The following DMGDH variants were observed in gnomAD, a reference collection of about 807,000 sequenced individuals.
DMGDH encodes the protein dimethylglycine dehydrogenase, mitochondrial.
A neutral mutation model predicts 95.2 loss-of-function variants in DMGDH; 76 were observed. The observed-to-expected ratio is 0.80, with a 90% CI of 0.66 to 0.97. The LOEUF (loss-of-function observed/expected upper bound fraction) is 0.97. Among genes scored for constraint, DMGDH ranks in the 50% least tolerant of loss-of-function variants. The pLI, the probability that DMGDH is intolerant of heterozygous loss-of-function variation, is 0.00. For missense variants in DMGDH, 987 were observed against 1,055.0 expected, an observed-to-expected ratio of 0.94 and a Z score of 0.89; for synonymous variants, 345 against 377.6, an observed-to-expected ratio of 0.91 and a Z score of 1.00.
At chr5:79,032,042 C>T (rs1352257182) in intron 9 of DMGDH, among the ~76,000 whole-genome samples, 4 of 152,176 alleles carry the variant, frequency 2.6e-5, no homozygotes, top group Non-Finnish European at 5.9e-5. Flanking sequence ...AATGTAACTT[C>T]TAAATTTGCA....
intron 14 of DMGDH, among the ~76,000 whole-genome samples, chr5:79,009,360 C>CTTTTTT (rs372464439): frequency 2.9e-4 from 31 of 107,770 alleles, no homozygotes; most frequent in African/African-American, 9.5e-4. Context: ...CTTTTCTTTT[C>CTTTTTT]TTTTCTTTTT....
chr5:79,046,658 G>A (rs1754683453), intron 5 of DMGDH, among the ~76,000 whole-genome samples: 1 of 152,076 alleles, frequency 6.6e-6, no homozygotes, highest in South Asian at 2.1e-4. Context: ...AAGTACAGGC[G>A]TTTTGGTCTT....
intron 5 of DMGDH, among the ~76,000 whole-genome samples, chr5:79,047,134 G>A (rs1178493024): frequency 6.6e-6 from 1 of 152,056 alleles, no homozygotes; most frequent in East Asian, 1.9e-4. Context: ...ACTCCTGCCT[G>A]ATCACCCACC....
chr5:79,020,553 G>T (rs1753838527), intron 14 of DMGDH: 2 of 550,904 alleles, frequency 3.6e-6, no homozygotes, highest in Admixed American at 6.3e-5. Flanking sequence ...TAAGCGCTTT[G>T]CCTCTTTACC....
chr5:79,004,595 AT>A (rs1321263216), intron 15 of DMGDH, among the ~76,000 whole-genome samples: 1 of 152,196 alleles, frequency 6.6e-6, no homozygotes, highest in African/African-American at 2.4e-5. Flanking sequence ...TTTCAACAAA[AT>A]TGGGTTTTAC....
At chr5:79,051,684 T>G (rs1423995023) in intron 4 of DMGDH, among the ~76,000 whole-genome samples, 193 bp from the exon 5 acceptor site, 1 of 152,148 alleles carries the variant, frequency 6.6e-6, no homozygotes, top group Non-Finnish European at 1.5e-5. Context: ...GAAAGAGAAA[T>G]AAACCTCTAT....
At chr5:79,058,901 C>A (rs1248402006) in intron 2 of DMGDH, among the ~76,000 whole-genome samples, 1 of 152,140 alleles carries the variant, frequency 6.6e-6, no homozygotes, top group East Asian at 1.9e-4. Flanking sequence ...CCTTAACAAA[C>A]CTCTCCCTCT....
chr5:79,029,516 G>A (rs551704318), intron 11 of DMGDH, among the ~76,000 whole-genome samples: 6 of 152,210 alleles, frequency 3.9e-5, no homozygotes, highest in African/African-American at 9.6e-5. Flanking sequence ...GACCAAATGC[G>A]GGCATCAGAA....
chr5:79,052,747 T>C (rs550942267), intron 4 of DMGDH, among the ~76,000 whole-genome samples: 3 of 152,346 alleles, frequency 2.0e-5, no homozygotes, highest in African/African-American at 7.2e-5. Context: ...AAGTATATCC[T>C]TACTGGTAGT....
rs778525107 is a variant in DMGDH at position 79,018,587 on chromosome 5, T to C, written c.2250+5684A>G. Among the ~76,000 whole-genome samples the C allele has an allele frequency of 1.1e-3, 164 of 152,272 alleles. 1 individual carries two copies. Among genetic ancestry groups the C allele is most frequent in the Non-Finnish European group, 1.7e-3 (119 of 68,016 alleles). ...CCGGGGATGAGGGATAGGTTTACTA[T>C]CTTCACTGCGGTGATGGTTTCACTG... is the stretch of plus-strand genomic sequence containing the variant. On this transcript the variant is annotated intron_variant, in intron 14 of 15. Coordinates refer to ENST00000255189, the MANE Select transcript of DMGDH (RefSeq NM_013391.3).
intron 15 of DMGDH, among the ~76,000 whole-genome samples, chr5:79,002,281 CCT>C (rs1753467262): frequency 6.6e-6 from 1 of 152,154 alleles, no homozygotes; most frequent in Non-Finnish European, 1.5e-5. Flanking sequence ...TCTCCACAAA[CCT>C]CTTTTTCAAA....
intron 15 of DMGDH, among the ~76,000 whole-genome samples, chr5:78,999,438 C>A (rs1187278409): frequency 6.6e-6 from 1 of 152,206 alleles, no homozygotes; most frequent in African/African-American, 2.4e-5. Context: ...TCATGCCATT[C>A]TCCTGCCCCA....
intron 7 of DMGDH, 113 bp downstream of exon 7, chr5:79,042,170 T>TTC: frequency 3.0e-6 from 3 of 1,003,976 alleles, no homozygotes; most frequent in Non-Finnish European, 3.1e-6. Flanking sequence ...CTGTTTCTCT[T>TTC]TCTCTCTCTC....
intron 3 of DMGDH, among the ~76,000 whole-genome samples, chr5:79,054,935 A>T (rs960879401): frequency 6.6e-6 from 1 of 152,210 alleles, no homozygotes; most frequent in African/African-American, 2.4e-5. Flanking sequence ...CAAGTTATAA[A>T]AGAGGTGTGC....
chr5:79,069,606 G>T lies in DMGDH; in HGVS notation c.15C>A (p.Gly5=). 1 of 1,373,000 alleles carries T rather than the reference G, an allele frequency of 7.3e-7. No individual in the cohort carries two copies. Among genetic ancestry groups the T allele is most frequent in the Non-Finnish European group, 9.4e-7 (1 of 1,061,408 alleles). The allele number at this position is 1,373,000 out of a possible 1,614,324, so 85.1% of individuals were successfully genotyped here. Reference sequence around the variant, plus strand: ...GCAGGAGGCCCCGCAGCAGCTGCGCGCCGGGACGGAGCATGACTAGGCCGA... The same window carrying T: ...GCAGGAGGCCCCGCAGCAGCTGCGCTCCGGGACGGAGCATGACTAGGCCGA... The part of the protein sequence containing the change: MLRP[G]AQLLRGLLLR... The change falls in exon 1 of 16, where the codon GGC becomes GGA. Residue 5 remains glycine, a synonymous_variant. Transcript: ENST00000255189.
At chr5:79,031,651 C>T (rs1322474084) in intron 9 of DMGDH, among the ~76,000 whole-genome samples, 1 of 152,312 alleles carries the variant, frequency 6.6e-6, no homozygotes, top group East Asian at 1.9e-4. Context: ...AATGACAGAG[C>T]CAGACCTGGA....
At position 79,029,888 on chromosome 5, in the gene DMGDH, C is replaced by T; in HGVS notation, c.1814+16G>A. 3 of 1,613,372 alleles carry T rather than the reference C, an allele frequency of 1.9e-6. No individual in the cohort carries two copies. The highest frequency in any genetic ancestry group is 2.5e-6 in the Non-Finnish European group (3 of 1,179,640). On this transcript the variant is annotated intron_variant, in intron 11 of 15. Coordinates refer to ENST00000255189, the MANE Select transcript of DMGDH (RefSeq NM_013391.3). Reference sequence around the variant, plus strand: ...ATATAATGTGTACAAAATTTTCTTACTAGGTGTGCACTTACCTAAGATCAT... The same window carrying T: ...ATATAATGTGTACAAAATTTTCTTATTAGGTGTGCACTTACCTAAGATCAT...
chr5:79,025,636 T>C (rs1474931844), intron 13 of DMGDH, among the ~76,000 whole-genome samples: 1 of 152,220 alleles, frequency 6.6e-6, no homozygotes, highest in Non-Finnish European at 1.5e-5. Context: ...TGGTGCGTGG[T>C]GGAGGAAAAA....
chr5:79,024,467 C>T (rs548444795), intron 13 of DMGDH, 137 bp from the exon 14 acceptor site: 8 of 814,398 alleles, frequency 9.8e-6, no homozygotes, highest in South Asian at 3.3e-5. Context: ...AACTATAGAC[C>T]GGTTTTGAAA....
Sources: gnomAD v4.1 joint callset for allele counts (sites outside exome capture counted in the v4.1 genomes callset) on GRCh38, gnomAD v4.1.1 for gene constraint, MANE v1.5 for transcripts, NCBI Gene and HGNC (gene_info 2026-07-23, HGNC 2026-07-21) for gene names.